The following PKNOX2 variants were observed in gnomAD, a reference collection of about 807,000 sequenced individuals.
The protein encoded by PKNOX2 is homeobox protein PKNOX2.
In PKNOX2, 14 loss-of-function variants were observed where a neutral mutation model predicts 53.1. The ratio of observed to expected loss-of-function variants is 0.26; its 90% confidence interval spans 0.17 to 0.41. The LOEUF is 0.41. Ranked by LOEUF, PKNOX2 falls within the 10% of genes least tolerant of loss-of-function variation. The pLI is 1.00. For missense variants in PKNOX2, 496 were observed against 602.8 expected (o/e 0.82, Z 1.85); for synonymous variants, 257 against 242.8 (o/e 1.06, Z -0.54).
At chr11:125,359,120 T>TGGACACCATCGGAAAGGCAGGAAGGG in intron 4 of PKNOX2, among the ~76,000 whole-genome samples, 1 of 151,518 alleles carries the variant, frequency 6.6e-6, no homozygotes, top group African/African-American at 2.4e-5. Context: ...GGCAGGAAGG[T>TGGACACCATCGGAAAGGCAGGAAGGG]GGACACCATC....
At chr11:125,364,807 G>C (rs1952100928) in intron 4 of PKNOX2, among the ~76,000 whole-genome samples, 1 of 152,156 alleles carries the variant, frequency 6.6e-6, no homozygotes, top group Non-Finnish European at 1.5e-5. Flanking sequence ...GGTGGGTGGT[G>C]ATTATTAAAA....
At chr11:125,237,188 C>T (rs1488639829) in intron 2 of PKNOX2, among the ~76,000 whole-genome samples, 1 of 152,176 alleles carries the variant, frequency 6.6e-6, no homozygotes, top group Non-Finnish European at 1.5e-5. Flanking sequence ...CTCCATGTAG[C>T]CTGAGCTTCC....
intron 1 of PKNOX2, among the ~76,000 whole-genome samples, chr11:125,193,671 G>T (rs1041171289): frequency 1.3e-5 from 2 of 152,196 alleles, no homozygotes; most frequent in Non-Finnish European, 2.9e-5. Flanking sequence ...AGTAACCTCA[G>T]TGCAGAGAGG....
chr11:125,406,130 T>C (rs1015211563), intron 7 of PKNOX2, among the ~76,000 whole-genome samples: 1 of 152,210 alleles, frequency 6.6e-6, no homozygotes, highest in Non-Finnish European at 1.5e-5. Context: ...TGATAAGCCC[T>C]GAGGGGAAGC....
chr11:125,377,798 A>G (rs1292218133), intron 5 of PKNOX2, among the ~76,000 whole-genome samples: 1 of 152,212 alleles, frequency 6.6e-6, no homozygotes, highest in Non-Finnish European at 1.5e-5. Context: ...CAAAAGAAAA[A>G]ATCTCATAAT....
chr11:125,197,701 GGCCACCGTAGGGGTTA>G (rs1937900348), intron 1 of PKNOX2, among the ~76,000 whole-genome samples: 1 of 152,190 alleles, frequency 6.6e-6, no homozygotes, highest in East Asian at 1.9e-4. Flanking sequence ...GCTCTGGCAG[GGCCACCGTAGGGGTTA>G]GCTGGAAAGT....
chr11:125,424,296 A>G (rs1396475218), intron 10 of PKNOX2, among the ~76,000 whole-genome samples: 1 of 152,186 alleles, frequency 6.6e-6, no homozygotes, highest in African/African-American at 2.4e-5. Flanking sequence ...GGCAATGACT[A>G]CAGAAAGAGA....
chr11:125,191,679 G>A (rs935617681), intron 1 of PKNOX2, among the ~76,000 whole-genome samples: 3 of 152,064 alleles, frequency 2.0e-5, no homozygotes, highest in Non-Finnish European at 4.4e-5. Context: ...TTTTGGGTGC[G>A]GTGTGGAGTG....
At chr11:125,214,276 C>T (rs1940222824) in intron 1 of PKNOX2, among the ~76,000 whole-genome samples, 1 of 151,966 alleles carries the variant, frequency 6.6e-6, no homozygotes, top group South Asian at 2.1e-4. Flanking sequence ...TACCCTTGAA[C>T]CTGAAATTCT....
intron 1 of PKNOX2, among the ~76,000 whole-genome samples, chr11:125,189,445 GTGTATATATATATATATA>G (rs1303424431): frequency 0.019 from 977 of 50,530 alleles, 7 homozygotes; most frequent in East Asian, 0.093. Context: ...GTGTGTGTGT[GTGTATATATATATATATA>G]TATATATATA....
At chr11:125,263,331 A>G (rs115417146) in intron 2 of PKNOX2, among the ~76,000 whole-genome samples, 2,014 of 152,322 alleles carry the variant, frequency 0.013, 46 homozygotes, top group African/African-American at 0.038. Flanking sequence ...CAGTGGGGGA[A>G]GCCGCATGAG....
At chr11:125,300,679 C>T (rs1391146224) in intron 2 of PKNOX2, among the ~76,000 whole-genome samples, 1 of 151,958 alleles carries the variant, frequency 6.6e-6, no homozygotes, top group Non-Finnish European at 1.5e-5. Flanking sequence ...GAGTCGGGTG[C>T]AGGAGAGGGG....
chr11:125,427,538 C>T (rs1007900126), intron 10 of PKNOX2, among the ~76,000 whole-genome samples: 5 of 152,118 alleles, frequency 3.3e-5, no homozygotes, highest in African/African-American at 9.7e-5. Flanking sequence ...TAAGAGTATT[C>T]GTACCTTTTA....
At chr11:125,252,752 C>T (rs1381940384) in intron 2 of PKNOX2, among the ~76,000 whole-genome samples, 1 of 152,176 alleles carries the variant, frequency 6.6e-6, no homozygotes, top group African/African-American at 2.4e-5. Flanking sequence ...CAGAAGCTGG[C>T]CACCCTGGTC....
At chr11:125,220,950 C>T (rs928570647) in intron 1 of PKNOX2, among the ~76,000 whole-genome samples, 14 of 151,958 alleles carry the variant, frequency 9.2e-5, no homozygotes, top group African/African-American at 2.9e-4. Context: ...CCGAGGCGGG[C>T]GAATCACAGC....
intron 10 of PKNOX2, among the ~76,000 whole-genome samples, chr11:125,416,172 G>C (rs547274805): frequency 1.3e-5 from 2 of 150,924 alleles, no homozygotes; most frequent in African/African-American, 2.4e-5. Context: ...GCGTGGTGGC[G>C]GGCGCCTGTA....
chr11:125,432,263 G>A lies in PKNOX2; in HGVS notation c.*871G>A, dbSNP rs1383190614. On this transcript the variant is annotated 3_prime_UTR_variant, in exon 13 of 13. Coordinates refer to ENST00000298282, the MANE Select transcript of PKNOX2 (RefSeq NM_001382323.2). ...AACAGGACAATGGTTTTTTACCCTA[G>A]ATGTTCCCACCTTCAGTGCTCCACG... is the stretch of plus-strand genomic sequence containing the variant. 1 of 152,548 alleles carries A rather than the reference G, an allele frequency of 6.6e-6. No homozygotes were observed. The highest frequency in any genetic ancestry group is 1.5e-5 in the Non-Finnish European group (1 of 68,068). The allele number at this position is 152,548 out of a possible 1,614,324, so 9.4% of individuals were successfully genotyped here. A position where few individuals can be genotyped will look rare whatever the true frequency, so the allele number is the denominator to read the frequency against.
At chr11:125,179,691 A>T (rs550873433) in intron 1 of PKNOX2, among the ~76,000 whole-genome samples, 1 of 152,208 alleles carries the variant, frequency 6.6e-6, no homozygotes, top group East Asian at 1.9e-4. Context: ...GGGTAAACTG[A>T]GTCTGAGATT....
At chr11:125,189,736 C>T (rs1956754438) in intron 1 of PKNOX2, among the ~76,000 whole-genome samples, 1 of 151,610 alleles carries the variant, frequency 6.6e-6, no homozygotes, top group Non-Finnish European at 1.5e-5. Flanking sequence ...CACTTTCTTC[C>T]ACCATCCTCC....
Sources: allele counts gnomAD v4.1 joint callset (sites outside exome capture counted in the v4.1 genomes callset), GRCh38; gene constraint gnomAD v4.1.1; transcripts MANE v1.5; gene names NCBI Gene and HGNC (gene_info 2026-07-23, HGNC 2026-07-21).